ERC2: variants seen among roughly 807,000 people sequenced by gnomAD.
ERC2 encodes ERC protein 2.
ERC2 carries 42 observed loss-of-function variants against 114.8 expected under a neutral mutation model. The ratio of observed to expected loss-of-function variants is 0.37; its 90% CI spans 0.29 to 0.47. ERC2 has a LOEUF of 0.47. Ranked by LOEUF, ERC2 falls within the 20% of genes least tolerant of loss-of-function variation. ERC2 has a pLI of 0.99. For missense variants in ERC2, 939 were observed against 1,150.7 expected (o/e 0.82, Z 2.66); for synonymous variants, 454 against 425.5 (o/e 1.07, Z -0.82).
At chr3:55,946,526 AAACTC>A (rs770769373) in intron 13 of ERC2, among the ~76,000 whole-genome samples, 3 of 152,182 alleles carry the variant, frequency 2.0e-5, no homozygotes, top group African/African-American at 4.8e-5. Flanking sequence ...CTCTGGGAGA[AAACTC>A]TAGTAACTGA....
intron 17 of ERC2, among the ~76,000 whole-genome samples, chr3:55,631,716 C>T (rs1315437986): frequency 2.0e-5 from 3 of 151,146 alleles, no homozygotes; most frequent in Non-Finnish European, 1.5e-5. Context: ...TGGCCAGCCA[C>T]CAACCATCAC....
intron 14 of ERC2, among the ~76,000 whole-genome samples, chr3:55,876,431 C>A (rs1184257851): frequency 6.6e-6 from 1 of 152,186 alleles, no homozygotes; most frequent in African/African-American, 2.4e-5. Context: ...TCTCACTTCA[C>A]CAGTGTTCTC....
At chr3:55,687,975 G>A (rs2148791806) in intron 16 of ERC2, among the ~76,000 whole-genome samples, 1 of 152,286 alleles carries the variant, frequency 6.6e-6, no homozygotes, top group East Asian at 1.9e-4. Flanking sequence ...CCTTCCCTCT[G>A]GAGACCATTC....
intron 14 of ERC2, among the ~76,000 whole-genome samples, chr3:55,825,618 CT>C (rs1255390198): frequency 1.3e-5 from 2 of 152,058 alleles, no homozygotes; most frequent in African/African-American, 4.8e-5. Context: ...ATAGTTACTT[CT>C]GAATTTTTTC....
At chr3:56,340,314 G>A (rs2058035468) in intron 2 of ERC2, among the ~76,000 whole-genome samples, 2 of 152,078 alleles carry the variant, frequency 1.3e-5, no homozygotes, top group South Asian at 2.1e-4. Flanking sequence ...ATGTTAAAAT[G>A]TGTTTAAAAC....
At chr3:56,247,749 C>A (rs989203302) in intron 3 of ERC2, among the ~76,000 whole-genome samples, 1 of 152,170 alleles carries the variant, frequency 6.6e-6, no homozygotes, top group Non-Finnish European at 1.5e-5. Context: ...GCTAGGCGCA[C>A]CGTGGTACAG....
intron 13 of ERC2, among the ~76,000 whole-genome samples, chr3:55,897,712 T>A (rs1296140045): frequency 6.6e-6 from 1 of 152,234 alleles, no homozygotes. Context: ...CTGAAGGACC[T>A]GTTAAAACAA....
chr3:55,788,357 G>A (rs1302759577), intron 14 of ERC2, among the ~76,000 whole-genome samples: 1 of 152,168 alleles, frequency 6.6e-6, no homozygotes, highest in Admixed American at 6.5e-5. Flanking sequence ...TCGAGTCCTG[G>A]CCATGTGCTA....
In ERC2 at chr3:55,595,189, T is replaced by C. The variant is rs189972038; in HGVS notation, c.*40-83913A>G. Among the ~76,000 whole-genome samples the C allele has an allele frequency of 2.0e-5, 3 of 152,364 alleles. No homozygotes were observed. The East Asian group carries it at 5.8e-4, about 29-fold the overall frequency. On this transcript the variant is annotated intron_variant, in intron 17 of 17. Transcript: ENST00000288221. ...CAGCAGTTTAAAATGTGTTCCCTAC[T>C]AATATACACAAGAGAGTTTATTAAT...
chr3:55,584,569 A>C (rs2057496774), intron 17 of ERC2, among the ~76,000 whole-genome samples: 1 of 152,006 alleles, frequency 6.6e-6, no homozygotes, highest in Non-Finnish European at 1.5e-5. Flanking sequence ...TAGTGTGGAG[A>C]TGGTGAGGCA....
chr3:56,005,949 A>T (rs2072451736), intron 10 of ERC2, among the ~76,000 whole-genome samples: 1 of 152,036 alleles, frequency 6.6e-6, no homozygotes, highest in Non-Finnish European at 1.5e-5. Context: ...CCATTTAAAC[A>T]CCCTCAAATG....
At chr3:55,713,131 T>TCACATA (rs2063876696) in intron 15 of ERC2, among the ~76,000 whole-genome samples, 1 of 139,334 alleles carries the variant, frequency 7.2e-6, no homozygotes, top group Admixed American at 7.3e-5. Flanking sequence ...TCTCTCTGTC[T>TCACATA]CACACACACA....
At chr3:56,258,945 A>G (rs547142787) in intron 3 of ERC2, among the ~76,000 whole-genome samples, 18 of 151,714 alleles carry the variant, frequency 1.2e-4, no homozygotes, top group African/African-American at 4.3e-4. Context: ...TTGAACCTTA[A>G]AACTATGTTT....
At chr3:55,832,108 C>G (rs887324507) in intron 14 of ERC2, among the ~76,000 whole-genome samples, 1 of 152,224 alleles carries the variant, frequency 6.6e-6, no homozygotes, top group Non-Finnish European at 1.5e-5. Context: ...CCTGGAGGCT[C>G]GAACTGGGTG....
intron 14 of ERC2, among the ~76,000 whole-genome samples, chr3:55,839,625 T>C (rs762920601): frequency 2.6e-5 from 4 of 151,886 alleles, no homozygotes; most frequent in African/African-American, 7.2e-5. Context: ...TATTTGAAGA[T>C]AGAGTTTAAT....
rs868255882 is a variant in ERC2, at chr3:56,257,453, C to T, written c.1074+38566G>A. Among the ~76,000 whole-genome samples, 28 of 152,284 alleles carry T rather than the reference C, an allele frequency of 1.8e-4. No homozygotes were observed. The Middle Eastern group carries it at 0.014, about 74-fold the overall frequency. On this transcript the variant is annotated intron_variant, in intron 3 of 17. Coordinates refer to ENST00000288221, the MANE Select transcript of ERC2 (RefSeq NM_015576.3). Reference sequence around the variant, plus strand: ...TTACGTCAAACCAAACAGCCTCATCCTTATCTGCCCAATGCTAAGGCTCCA... The same window carrying T: ...TTACGTCAAACCAAACAGCCTCATCTTTATCTGCCCAATGCTAAGGCTCCA...
chr3:55,699,558 A>C (rs762996414), intron 15 of ERC2, 46 bp from the exon 16 acceptor site: 28 of 1,565,498 alleles, frequency 1.8e-5, no homozygotes, highest in Non-Finnish European at 2.4e-5. Context: ...GAGCCAGAAG[A>C]TCAGTCAAAG....
At chr3:55,839,503 G>A in intron 14 of ERC2, among the ~76,000 whole-genome samples, 1 of 151,098 alleles carries the variant, frequency 6.6e-6, no homozygotes, top group African/African-American at 2.4e-5. Context: ...TGTATTGTGG[G>A]GTTAATAACA....
chr3:55,611,176 C>A (rs1250239132), intron 17 of ERC2, among the ~76,000 whole-genome samples: 1 of 152,188 alleles, frequency 6.6e-6, no homozygotes, highest in Non-Finnish European at 1.5e-5. Flanking sequence ...CTTTCAAATG[C>A]CAGCAGTAAT....
Sources: gnomAD v4.1 joint callset for allele counts (sites outside exome capture counted in the v4.1 genomes callset) on GRCh38, gnomAD v4.1.1 for gene constraint, MANE v1.5 for transcripts, NCBI Gene and HGNC (gene_info 2026-07-23, HGNC 2026-07-21) for gene names.